Variants in NUP160 observed in about 807,000 individuals in gnomAD.
NUP160 encodes the protein nucleoporin 160.
In NUP160, 94 loss-of-function variants were observed where a neutral mutation model predicts 196.9. The ratio of observed to expected loss-of-function variants is 0.48; its 90% CI spans 0.40 to 0.57. The LOEUF (loss-of-function observed/expected upper bound fraction) is 0.57, where lower values mean the gene tolerates loss of function less well. Ranked by LOEUF, NUP160 falls within the 20% of genes least tolerant of loss-of-function variation. The pLI, the probability that NUP160 is intolerant of heterozygous loss-of-function variation, is 0.00. For missense variants in NUP160, 1,638 were observed against 1,748.3 expected, an observed-to-expected ratio of 0.94 and a Z score of 1.13; for synonymous variants, 605 against 619.7, an observed-to-expected ratio of 0.98 and a Z score of 0.35.
rs534350815 is a variant in NUP160 at position 47,840,172 on chromosome 11, T to TAAG, written c.526-110_526-108dup. 2.2e-3 allele frequency: 1,970 copies of TAAG among 900,638 alleles called. 3 individuals carry two copies. The highest frequency in any genetic ancestry group is 0.01 in the Middle Eastern group (46 of 4,550). 55.8% of individuals were successfully genotyped at this position (900,638 alleles called of 1,614,324 possible). A position where few individuals can be genotyped will look rare whatever the true frequency, so the allele number is the denominator to read the frequency against. The stretch of plus-strand genomic sequence containing the variant: ...TTTTAAAGTAAAAAACTGTCAAGTT[T>TAAG]AAGAAAGCTATTCTTCTTAATGAAA... On this transcript the variant is annotated intron_variant, in intron 3 of 35. Coordinates refer to ENST00000378460, the Ensembl canonical transcript of NUP160.
chr11:47,830,541 ATCATG>A (rs1440838543), intron 7 of NUP160, among the ~76,000 whole-genome samples: 5 of 152,194 alleles, frequency 3.3e-5, no homozygotes, highest in African/African-American at 1.2e-4. Context: ...AAAGAACGAG[ATCATG>A]TCTTTTGTGG....
chr11:47,801,679 A>AT (rs1478426514), intron 23 of NUP160, 132 bp downstream of exon 23: 36 of 877,514 alleles, frequency 4.1e-5, no homozygotes, highest in Non-Finnish European at 5.6e-5. Flanking sequence ...AGGCAAATTC[A>AT]TTTTTTTTAA....
At chr11:47,792,981 C>CCAAATTTTTTTTTCTTTT in intron 27 of NUP160, 35 bp from the exon 28 acceptor site, 1 of 1,579,942 alleles carries the variant, frequency 6.3e-7, no homozygotes, top group Non-Finnish European at 8.6e-7. Context: ...TTTAGAACTT[C>CCAAATTTTTTTTTCTTTT]CAAATTTTTT....
chr11:47,780,647 G>A (rs534817138), intron 34 of NUP160, among the ~76,000 whole-genome samples, 200 bp from the exon 35 acceptor site: 12 of 147,702 alleles, frequency 8.1e-5, no homozygotes, highest in African/African-American at 2.8e-4. Flanking sequence ...AGCAATTCTT[G>A]TGCCTCAGCC....
chr11:47,841,572 T>C, intron 2 of NUP160: 1 of 429,406 alleles, frequency 2.3e-6, no homozygotes, highest in South Asian at 2.1e-5. Context: ...GGGATGGATC[T>C]ACGAGTTTGC....
intron 9 of NUP160, 92 bp from the exon 10 acceptor site, chr11:47,819,550 T>A (rs1447057401): frequency 1.3e-6 from 1 of 740,804 alleles, no homozygotes. Context: ...GAGGACCCCA[T>A]CACGGAACCC....
At chr11:47,836,483 G>T (rs1273498276) in intron 6 of NUP160, among the ~76,000 whole-genome samples, 1 of 152,022 alleles carries the variant, frequency 6.6e-6, no homozygotes, top group South Asian at 2.1e-4. Context: ...GTATGGTAGC[G>T]TGCCCCTGTA....
At chr11:47,809,697 C>A (rs1489962495) in intron 17 of NUP160, among the ~76,000 whole-genome samples, 8 of 133,984 alleles carry the variant, frequency 6.0e-5, no homozygotes, top group Non-Finnish European at 1.1e-4. Flanking sequence ...GCAGATTGCA[C>A]CACTGCACTC....
chr11:47,808,246 A>G, intron 18 of NUP160, 150 bp downstream of exon 18: 1 of 636,832 alleles, frequency 1.6e-6, no homozygotes. Flanking sequence ...ATGCCATTGC[A>G]CTCCGGCCTG....
intron 7 of NUP160, among the ~76,000 whole-genome samples, chr11:47,833,832 A>T (rs1367733978): frequency 6.7e-6 from 1 of 148,192 alleles, no homozygotes; most frequent in African/African-American, 2.4e-5. Context: ...TTTTACACAC[A>T]TCATCACAAT....
chr11:47,839,858 G>A, exon 4 of NUP160: 1 of 1,613,232 alleles, frequency 6.2e-7, no homozygotes, highest in South Asian at 1.1e-5. Context: ...ATGTCATAAG[G>A]AGGTAGCTTA....
At chr11:47,794,424 G>A (rs1298914503) in intron 27 of NUP160, among the ~76,000 whole-genome samples, 7 of 152,112 alleles carry the variant, frequency 4.6e-5, no homozygotes, top group Non-Finnish European at 7.4e-5. Context: ...GCAGTGAGCC[G>A]AGATTGCGCC....
chr11:47,835,482 C>A (rs974371090), intron 7 of NUP160, among the ~76,000 whole-genome samples, 169 bp downstream of exon 7: 1 of 119,512 alleles, frequency 8.4e-6, no homozygotes, highest in African/African-American at 2.8e-5. Flanking sequence ...TTCATACTGA[C>A]CCCTCCTTCA....
At chr11:47,792,598 C>G in intron 28 of NUP160, 188 bp downstream of exon 28, 1 of 549,390 alleles carries the variant, frequency 1.8e-6, no homozygotes, top group Admixed American at 3.5e-5. Context: ...TAATTCTGAA[C>G]TTGAAAACTA....
intron 7 of NUP160, 40 bp downstream of exon 7, chr11:47,835,611 C>A: frequency 6.7e-7 from 1 of 1,497,482 alleles, no homozygotes; most frequent in East Asian, 2.4e-5. Flanking sequence ...CACATCAGTA[C>A]ACACAGAATA....
intron 11 of NUP160, among the ~76,000 whole-genome samples, chr11:47,816,993 T>A (rs1851740514): frequency 6.7e-6 from 1 of 150,370 alleles, no homozygotes; most frequent in Non-Finnish European, 1.5e-5. Context: ...TTTTTTTTTT[T>A]AAGATAGGGT....
At chr11:47,798,256 G>C in exon 25 of NUP160, 3 of 1,605,790 alleles carry the variant, frequency 1.9e-6, no homozygotes, top group Non-Finnish European at 2.6e-6. Context: ...CATGTCCTTA[G>C]AGTAGCCTAA....
At chr11:47,796,472 C>A in intron 27 of NUP160, 10 of 288,222 alleles carry the variant, frequency 3.5e-5, no homozygotes, top group South Asian at 1.3e-4. Flanking sequence ...CCAGCAAAAA[C>A]AAACAAGTAA....
chr11:47,846,232 C>T (rs1273489739), intron 2 of NUP160, among the ~76,000 whole-genome samples: 2 of 151,898 alleles, frequency 1.3e-5, no homozygotes, highest in African/African-American at 4.8e-5. Context: ...CCACCTCAGC[C>T]CCCCAAAGTG....
Sources: allele counts gnomAD v4.1 joint callset (sites outside exome capture counted in the v4.1 genomes callset), GRCh38; gene constraint gnomAD v4.1.1; transcripts MANE v1.5; gene names NCBI Gene and HGNC (gene_info 2026-07-23, HGNC 2026-07-21).